Variants in MYO9A observed in about 807,000 individuals in gnomAD.
MYO9A encodes the protein unconventional myosin-IXa.
A neutral mutation model predicts 293.3 loss-of-function variants in MYO9A; 103 were observed. That is an observed-to-expected ratio of 0.35 (90% CI 0.30 to 0.41). MYO9A has a LOEUF of 0.41. Among genes scored for constraint, MYO9A ranks in the 10% least tolerant of loss-of-function variants. MYO9A has a pLI of 1.00. For missense variants in MYO9A, 2,685 were observed against 3,033.0 expected (o/e 0.89, Z 2.69); for synonymous variants, 1,001 against 1,035.7 (o/e 0.97, Z 0.64).
At chr15:72,114,005 GA>G (rs1567056337) in intron 1 of MYO9A, among the ~76,000 whole-genome samples, 3 of 152,112 alleles carry the variant, frequency 2.0e-5, no homozygotes, top group African/African-American at 7.2e-5. Context: ...GACATAGGGG[GA>G]AAAAAACTGA....
At chr15:72,007,626 A>G (rs936654272) in intron 8 of MYO9A, among the ~76,000 whole-genome samples, 200 bp downstream of exon 8, 1 of 152,210 alleles carries the variant, frequency 6.6e-6, no homozygotes, top group African/African-American at 2.4e-5. Flanking sequence ...CAAATTTTAT[A>G]AAGATTCTGC....
chr15:71,995,398 A>T (rs974466125), intron 9 of MYO9A, among the ~76,000 whole-genome samples: 8 of 152,306 alleles, frequency 5.3e-5, no homozygotes, highest in African/African-American at 1.9e-4. Flanking sequence ...ATCCTCAAAG[A>T]CAGCAACAAT....
chr15:71,932,793 T>C, intron 18 of MYO9A, among the ~76,000 whole-genome samples: 1 of 152,232 alleles, frequency 6.6e-6, no homozygotes. Flanking sequence ...GTAATTATTT[T>C]GAGATTCATT....
At chr15:72,008,474 T>C (rs1045583780) in intron 7 of MYO9A, among the ~76,000 whole-genome samples, 2 of 144,512 alleles carry the variant, frequency 1.4e-5, no homozygotes, top group Non-Finnish European at 3.0e-5. Context: ...TGTGTGTGTG[T>C]GAATGGGGTA....
chr15:71,865,779 T>C (rs1433185789), intron 32 of MYO9A, among the ~76,000 whole-genome samples: 1 of 152,204 alleles, frequency 6.6e-6, no homozygotes, highest in Non-Finnish European at 1.5e-5. Flanking sequence ...TTGCACACTT[T>C]ACGTAGTTAA....
At chr15:71,840,900 C>T (rs1055085306) in intron 39 of MYO9A, among the ~76,000 whole-genome samples, 15 of 152,126 alleles carry the variant, frequency 9.9e-5, no homozygotes, top group African/African-American at 3.6e-4. Context: ...CAAAGTGCTG[C>T]GATTACAGGC....
intron 7 of MYO9A, among the ~76,000 whole-genome samples, chr15:72,008,915 A>G (rs1461217461): frequency 6.6e-6 from 1 of 152,194 alleles, no homozygotes; most frequent in African/African-American, 2.4e-5. Flanking sequence ...ATTAGGAAGT[A>G]TTCCAACTAA....
intron 11 of MYO9A, among the ~76,000 whole-genome samples, chr15:71,989,233 C>T (rs1001018817): frequency 1.3e-5 from 2 of 152,230 alleles, no homozygotes; most frequent in Admixed American, 6.5e-5. Flanking sequence ...TCTTGAGATC[C>T]TCATAAGAAA....
At chr15:72,061,281 G>A (rs1354944594) in intron 1 of MYO9A, among the ~76,000 whole-genome samples, 1 of 152,204 alleles carries the variant, frequency 6.6e-6, no homozygotes, top group Non-Finnish European at 1.5e-5. Context: ...GCCACCGTGA[G>A]AGACTCCTTC....
Position 71,880,458 on chromosome 15 carries a change from C to T in MYO9A, c.5499G>A (p.Lys1833=), listed in dbSNP as rs1343274069. 3 of 1,614,110 alleles carry T rather than the reference C, an allele frequency of 1.9e-6. No homozygotes were observed. Among genetic ancestry groups the T allele is most frequent in the East Asian group, 4.5e-5 (2 of 44,896 alleles). ...KENKEPSPKA[K]RKRSVKISNV... is the part of the protein sequence containing the mutation. ...TGCTAATCTTCACACTTCGCTTGCGCTTAGCCTTTGGAGAAGGTTCTTTGT... is the reference window on the plus strand; with the variant it reads ...TGCTAATCTTCACACTTCGCTTGCGTTTAGCCTTTGGAGAAGGTTCTTTGT... Residue 1833 remains lysine (K), a synonymous_variant, in exon 29 of 42, where the codon AAG becomes AAA. Transcript: ENST00000356056.
At position 72,046,173 on chromosome 15, in the gene MYO9A, G is replaced by A. The variant is rs1168962694; in HGVS notation, c.391C>T (p.Arg131Cys). 17 of 1,614,088 alleles carry A rather than the reference G, an allele frequency of 1.1e-5. No individual in the cohort carries two copies. The highest frequency in any genetic ancestry group is 2.2e-5 in the East Asian group (1 of 44,884). ...AAACCCCGTTCCATCATCCTGCGAC[G>A]TTCTTCTGTTACCCGTAGCCATGAC... The part of the protein sequence containing the change: ...LQSWLRVTEE[R>C]RRMMERGFLP... The change falls in exon 2 of 42, where the codon CGT (arginine) becomes TGT (cysteine). Residue 131 changes from arginine to cysteine, a missense_variant. Arg to Cys is a radical substitution (Grantham distance 180). Coordinates refer to ENST00000356056, the MANE Select transcript of MYO9A (RefSeq NM_006901.4).
intron 1 of MYO9A, among the ~76,000 whole-genome samples, chr15:72,078,879 G>C (rs1356475719): frequency 2.0e-5 from 3 of 152,170 alleles, no homozygotes; most frequent in Non-Finnish European, 4.4e-5. Context: ...AAAAGCCTAT[G>C]TACTGTATGA....
rs2054481724 is a variant in MYO9A, at chr15:71,826,022, G to GTTTTT, written c.*553_*557dup. 1.7e-5 allele frequency: 1 copy of GTTTTT among 60,098 alleles called. No homozygotes were observed. The highest frequency in any genetic ancestry group is 6.4e-5 in the African/African-American group (1 of 15,722). The allele number at this position is 60,098 out of a possible 1,614,324, so 3.7% of individuals were successfully genotyped here. On this transcript the variant is annotated 3_prime_UTR_variant, in exon 42 of 42. Coordinates refer to ENST00000356056, the MANE Select transcript of MYO9A (RefSeq NM_006901.4). ...TTTTTTTTTTTTGTTTTTTTTTTTT[G>GTTTTT]TTTTTGCTTTCCCCAGAATATAACA...
intron 1 of MYO9A, among the ~76,000 whole-genome samples, chr15:72,064,324 G>C (rs1455398204): frequency 6.6e-6 from 1 of 152,274 alleles, no homozygotes; most frequent in Non-Finnish European, 1.5e-5. Flanking sequence ...TAATTGGAAT[G>C]TTTGTAACAC....
Position 71,825,932 on chromosome 15 carries a change from T to A in MYO9A, c.*648A>T, listed in dbSNP as rs893997252. ...AAAAAATAGGTATTCTCTTCTTCAC[T>A]GTATAACAAGATATCTGAGACACGC... On this transcript the variant is annotated 3_prime_UTR_variant, in exon 42 of 42. Transcript: ENST00000356056. 3.3e-5 allele frequency: 5 copies of A among 151,364 alleles called. No individual in the cohort carries two copies. Among genetic ancestry groups the A allele is most frequent in the African/African-American group, 1.2e-4 (5 of 41,250 alleles). 9.4% of individuals were successfully genotyped at this position (151,364 alleles called of 1,614,324 possible). A position where few individuals can be genotyped will look rare whatever the true frequency, so the allele number is the denominator to read the frequency against.
At chr15:72,049,234 T>G (rs1216495250) in intron 1 of MYO9A, among the ~76,000 whole-genome samples, 1 of 152,216 alleles carries the variant, frequency 6.6e-6, no homozygotes, top group African/African-American at 2.4e-5. Flanking sequence ...AAATTAAAAA[T>G]TTTGGTATTA....
At chr15:71,903,662 A>C (rs1475575562) in intron 21 of MYO9A, among the ~76,000 whole-genome samples, 3 of 152,382 alleles carry the variant, frequency 2.0e-5, no homozygotes, top group South Asian at 4.1e-4. Context: ...AAGAATTGTT[A>C]TATCAGGAGT....
At chr15:72,015,144 G>T (rs1379791926) in intron 6 of MYO9A, among the ~76,000 whole-genome samples, 1 of 151,718 alleles carries the variant, frequency 6.6e-6, no homozygotes, top group South Asian at 2.1e-4. Flanking sequence ...CACCTGGCCA[G>T]ATGTGAAGTG....
rs1036749510 is a variant in MYO9A at position 71,854,580 on chromosome 15, G to A, written c.6154-11C>T. The A allele has an allele frequency of 9.0e-6, 14 of 1,557,522 alleles. No homozygotes were observed. The African/African-American group carries it at 1.4e-4, about 15-fold the overall frequency. On this transcript the variant is annotated splice_polypyrimidine_tract_variant and intron_variant, in intron 34 of 41. Coordinates refer to ENST00000356056, the MANE Select transcript of MYO9A (RefSeq NM_006901.4). ...CAGCTCTGGATCATACTAAATGAAA[G>A]ATAATTTTTAGTTTCCAAATGCATT...
Sources: gnomAD v4.1 joint callset for allele counts (sites outside exome capture counted in the v4.1 genomes callset) on GRCh38, gnomAD v4.1.1 for gene constraint, MANE v1.5 for transcripts, NCBI Gene and HGNC (gene_info 2026-07-23, HGNC 2026-07-21) for gene names.